The following SORCS3 variants were observed in gnomAD, a reference collection of about 807,000 sequenced individuals.
SORCS3 encodes sortilin related VPS10 domain containing receptor 3, also known as VPS10 domain-containing receptor SorCS3.
Under a neutral mutation model 146.3 loss-of-function variants are expected in SORCS3, and 57 were observed. The ratio of observed to expected loss-of-function variants is 0.39; its 90% CI spans 0.31 to 0.49. The LOEUF (loss-of-function observed/expected upper bound fraction) is 0.49, where lower values mean the gene tolerates loss of function less well. Among genes scored for constraint, SORCS3 ranks in the 20% least tolerant of loss-of-function variants. SORCS3 has a pLI of 0.92. For synonymous variants in SORCS3, 653 were observed against 618.5 expected (o/e 1.06, Z -0.83); for missense variants, 1,341 against 1,575.5 (o/e 0.85, Z 2.52).
chr10:104,991,424 AAGATC>A (rs1410829344), intron 4 of SORCS3, among the ~76,000 whole-genome samples: 1 of 151,562 alleles, frequency 6.6e-6, no homozygotes, highest in Non-Finnish European at 1.5e-5. Flanking sequence ...GCATCTTCAT[AAGATC>A]TTTCCTCTAT....
intron 8 of SORCS3, among the ~76,000 whole-genome samples, chr10:105,141,948 T>C (rs2056098256): frequency 6.6e-6 from 1 of 152,168 alleles, no homozygotes; most frequent in Non-Finnish European, 1.5e-5. Flanking sequence ...GAATGGCTCA[T>C]TGTTAGTCAA....
intron 8 of SORCS3, among the ~76,000 whole-genome samples, chr10:105,146,996 C>A (rs576671675): frequency 5.9e-5 from 9 of 152,088 alleles, no homozygotes; most frequent in Non-Finnish European, 1.3e-4. Flanking sequence ...TTCTCTATAT[C>A]AGTGATCTTC....
intron 4 of SORCS3, among the ~76,000 whole-genome samples, chr10:105,006,436 T>C (rs9783155): frequency 0.16 from 24,391 of 152,066 alleles, 2,191 homozygotes; most frequent in African/African-American, 0.23. Flanking sequence ...CATGGATTAT[T>C]GTAACAACCT....
chr10:104,728,824 A>G (rs187612987), intron 1 of SORCS3, among the ~76,000 whole-genome samples: 143 of 152,298 alleles, frequency 9.4e-4, no homozygotes, highest in Non-Finnish European at 1.5e-3. Context: ...CTGAGAGACT[A>G]GTCCTATAAG....
At chr10:105,182,933 G>A (rs938323923) in intron 14 of SORCS3, among the ~76,000 whole-genome samples, 2 of 152,060 alleles carry the variant, frequency 1.3e-5, no homozygotes, top group East Asian at 1.9e-4. Context: ...GAATTCCTGA[G>A]CTCAAGTGAT....
intron 4 of SORCS3, among the ~76,000 whole-genome samples, chr10:105,029,603 T>G (rs1465565927): frequency 6.6e-6 from 1 of 152,212 alleles, no homozygotes; most frequent in Non-Finnish European, 1.5e-5. Flanking sequence ...CAATCTCCTT[T>G]GTCAAAGCCG....
At chr10:105,212,105 C>A (rs557225841) in intron 17 of SORCS3, among the ~76,000 whole-genome samples, 1 of 152,288 alleles carries the variant, frequency 6.6e-6, no homozygotes, top group Non-Finnish European at 1.5e-5. Flanking sequence ...TTTGTCATAG[C>A]TAGTTGTAAC....
chr10:104,785,520 C>T (rs2017423784), intron 1 of SORCS3, among the ~76,000 whole-genome samples: 2 of 145,858 alleles, frequency 1.4e-5, no homozygotes, highest in East Asian at 4.0e-4. Context: ...CTTCCCTCCA[C>T]TATTGTCCAA....
chr10:104,680,526 C>A (rs886470649), intron 1 of SORCS3, among the ~76,000 whole-genome samples: 15 of 152,210 alleles, frequency 9.9e-5, no homozygotes, highest in Admixed American at 6.5e-4. Flanking sequence ...CAAATCCCAG[C>A]GCTGCCACTT....
At chr10:104,941,156 G>C (rs2019316665) in intron 3 of SORCS3, among the ~76,000 whole-genome samples, 1 of 152,132 alleles carries the variant, frequency 6.6e-6, no homozygotes, top group African/African-American at 2.4e-5. Flanking sequence ...GGTTTTGGCA[G>C]GTTTTGACCA....
intron 1 of SORCS3, among the ~76,000 whole-genome samples, chr10:104,730,492 C>T (rs762161261): frequency 6.6e-6 from 1 of 152,196 alleles, no homozygotes; most frequent in Non-Finnish European, 1.5e-5. Flanking sequence ...AAGTCCTATA[C>T]CAGCCACTGA....
chr10:104,646,096 C>T (rs4918123), intron 1 of SORCS3, among the ~76,000 whole-genome samples: 58,666 of 152,038 alleles, frequency 0.39, 12,599 homozygotes, highest in East Asian at 0.64. Context: ...GGGGACATAA[C>T]GGTACTAATT....
rs1052676142 is a variant in SORCS3, at chr10:105,135,235, A to T, written c.1213-4162A>T. Among the ~76,000 whole-genome samples the T allele has an allele frequency of 2.0e-5, 3 of 152,118 alleles. No homozygotes were observed. The South Asian group carries it at 6.2e-4, about 31-fold the overall frequency. On this transcript the variant is annotated intron_variant, in intron 7 of 26. Transcript: ENST00000369701. ...ATAGCACATGTAGTAGCTGTGACAG[A>T]TTAGAGTCCATGCAGCTGCACCAGA...
At chr10:104,769,521 C>G (rs1039649933) in intron 1 of SORCS3, among the ~76,000 whole-genome samples, 3 of 152,070 alleles carry the variant, frequency 2.0e-5, no homozygotes, top group Non-Finnish European at 4.4e-5. Context: ...AGCTTGGGAC[C>G]CAGGTGTAAG....
At chr10:104,874,589 AC>A (rs953957388) in intron 2 of SORCS3, among the ~76,000 whole-genome samples, 87 of 152,286 alleles carry the variant, frequency 5.7e-4, no homozygotes, top group African/African-American at 1.9e-3. Flanking sequence ...ATTAAAAAAA[AC>A]AAATGGAAGT....
intron 20 of SORCS3, among the ~76,000 whole-genome samples, chr10:105,238,210 T>C (rs2056804055): frequency 6.6e-6 from 1 of 152,232 alleles, no homozygotes; most frequent in Non-Finnish European, 1.5e-5. Flanking sequence ...CTTTTGTGGA[T>C]CTTTTTTAAG....
intron 9 of SORCS3, among the ~76,000 whole-genome samples, chr10:105,148,167 G>T (rs1183883986): frequency 6.6e-6 from 1 of 152,062 alleles, no homozygotes; most frequent in African/African-American, 2.4e-5. Context: ...TGAATGGAGG[G>T]AGTGGTGCTA....
chr10:105,156,431 G>GGT (rs1327013318), intron 9 of SORCS3, among the ~76,000 whole-genome samples: 1 of 152,116 alleles, frequency 6.6e-6, no homozygotes, highest in African/African-American at 2.4e-5. Context: ...CTTGTTTTGT[G>GGT]GTGATGCTCT....
intron 1 of SORCS3, among the ~76,000 whole-genome samples, chr10:104,670,160 C>T (rs1388946376): frequency 1.3e-5 from 2 of 152,004 alleles, no homozygotes; most frequent in East Asian, 3.8e-4. Context: ...TATTTTCTTC[C>T]GTTCTGCAGG....
Sources: gnomAD v4.1 joint callset for allele counts (sites outside exome capture counted in the v4.1 genomes callset) on GRCh38, gnomAD v4.1.1 for gene constraint, MANE v1.5 for transcripts, NCBI Gene and HGNC (gene_info 2026-07-23, HGNC 2026-07-21) for gene names.